SYNE1: variants seen among roughly 807,000 people sequenced by gnomAD.
SYNE1 encodes spectrin repeat containing nuclear envelope protein 1.
A neutral mutation model predicts 1,111.0 loss-of-function variants in SYNE1; 616 were observed. The ratio of observed to expected loss-of-function variants is 0.55; its 90% confidence interval spans 0.52 to 0.59. SYNE1 has a LOEUF of 0.59. SYNE1 is among the 20% of genes least tolerant of loss of function. The pLI is 0.00. For synonymous variants in SYNE1, 3,855 were observed against 3,825.8 expected (o/e 1.01, Z -0.28); for missense variants, 10,006 against 10,417.0 (o/e 0.96, Z 1.72).
At chr6:152,404,436 ATC>A in intron 45 of SYNE1, 122 bp from the exon 46 acceptor site, 1 of 729,246 alleles carries the variant, frequency 1.4e-6, no homozygotes, top group South Asian at 1.5e-5. Flanking sequence ...GTAAAAAAAA[ATC>A]TGTTTCATTT....
rs866991892 is a variant in SYNE1, at chr6:152,334,136, G to C, written c.12666C>G (p.Cys4222Trp). 1 of 1,614,106 alleles carries C rather than the reference G, an allele frequency of 6.2e-7. No homozygotes were observed. The highest frequency in any genetic ancestry group is 2.2e-5 in the East Asian group (1 of 44,868). ...GCAAGCACAGGTTGTTAGACTGACG[G>C]CACAAATCGAGCCACTGATCATTTA... ...NHLNDQWLDLCRQSNNLCLQR... is the reference protein window; with the variant it reads ...NHLNDQWLDLWRQSNNLCLQR... The change falls in exon 77 of 146, where the codon TGC becomes TGG. Residue 4222 changes from cysteine (C) to tryptophan (W), a missense_variant. This residue lies in a region of SYNE1 where 4,955 missense variants were observed against 5,017.2 expected (regional missense o/e 0.99). Coordinates refer to ENST00000367255, the MANE Select transcript of SYNE1 (RefSeq NM_182961.4).
chr6:152,352,270 C>T lies in SYNE1; in HGVS notation c.11337G>A (p.Glu3779=). ...EKGERAVKYL[E]EGEAERLRKE... ...TTCTTAACCTCTCTGCCTCGCCTTC[C>T]TCCAAGTATTTAACAGCCCTCTCTC... Residue 3779 remains glutamate, a synonymous_variant, in exon 70 of 146, where the codon GAG becomes GAA. Coordinates refer to ENST00000367255, the MANE Select transcript of SYNE1 (RefSeq NM_182961.4). 3 of 1,614,150 alleles carry T rather than the reference C, an allele frequency of 1.9e-6. No individual in the cohort carries two copies. The highest frequency in any genetic ancestry group is 1.7e-6 in the Non-Finnish European group (2 of 1,180,016).
At chr6:152,194,835 CTGAT>C (rs552400307) in intron 127 of SYNE1, among the ~76,000 whole-genome samples, 128 of 152,296 alleles carry the variant, frequency 8.4e-4, no homozygotes, top group African/African-American at 3.0e-3. Context: ...TTCAGAATGT[CTGAT>C]TGATTCCTTT....
Position 152,201,885 on chromosome 6 carries a change from T to C in SYNE1, c.23084A>G (p.Lys7695Arg). The change falls in exon 127 of 146, where the codon AAG becomes AGG. Residue 7695 changes from lysine to arginine, a missense_variant. Around this residue, in one of 7 missense-constraint regions of SYNE1, gnomAD observed 2,182 missense variants for 2,287.8 expected, o/e 0.95. Coordinates refer to ENST00000367255, the MANE Select transcript of SYNE1 (RefSeq NM_182961.4). The stretch of plus-strand genomic sequence containing the variant: ...GTGATCCGGGAGAGACTGCGAAAGC[T>C]TCTTTTTGAAAGTTCGTAGTTTCTC... ...SLEKLRTFKK[K>R]LSQSLPDHHE... 1 of 1,613,988 alleles carries C rather than the reference T, an allele frequency of 6.2e-7. No individual in the cohort carries two copies. Among genetic ancestry groups the C allele is most frequent in the Non-Finnish European group, 8.5e-7 (1 of 1,179,850 alleles).
At chr6:152,235,159 T>C (rs1321817942) in intron 110 of SYNE1, among the ~76,000 whole-genome samples, 1 of 152,220 alleles carries the variant, frequency 6.6e-6, no homozygotes, top group Non-Finnish European at 1.5e-5. Context: ...GCTGAATGCT[T>C]CCCATTGCCC....
At position 152,236,214 on chromosome 6, in the gene SYNE1, T is replaced by C. The variant is rs142327194; in HGVS notation, c.20289A>G (p.Ser6763=). 2.9e-4 allele frequency: 462 copies of C among 1,614,180 alleles called. 1 individual carries two copies. In the East Asian group the frequency reaches 9.9e-3, roughly 35 times the overall value. The stretch of plus-strand genomic sequence containing the variant: ...GTTGATTTAGTTGGCTTTCTAGATC[T>C]GAGCAGCTGATGGATATCAGAAGTC... The part of the protein sequence containing the change: ...GKRLLISISC[S]DLESQLNQLG... The change falls in exon 110 of 146, where the codon TCA becomes TCG. Residue 6763 remains serine (S), a synonymous_variant. Coordinates refer to ENST00000367255, the MANE Select transcript of SYNE1 (RefSeq NM_182961.4).
chr6:152,144,140 C>G lies in SYNE1; in HGVS notation c.24977-375G>C, dbSNP rs116319420. The G allele has an allele frequency of 1.6e-3, 526 of 319,516 alleles. 5 individuals are homozygous for G. The highest frequency in any genetic ancestry group is 0.011 in the African/African-American group (504 of 46,552). The allele number at this position is 319,516 out of a possible 1,614,324, so 19.8% of individuals were successfully genotyped here. A position where few individuals can be genotyped will look rare whatever the true frequency, so the allele number is the denominator to read the frequency against. ...GCATCTCAGTAAGGAGAAAGCTGTT[C>G]TTTTTCTCATGTTCTTTCTGCTATC... On this transcript the variant is annotated intron_variant, in intron 137 of 145. Coordinates refer to ENST00000367255, the MANE Select transcript of SYNE1 (RefSeq NM_182961.4).
intron 129 of SYNE1, among the ~76,000 whole-genome samples, chr6:152,177,493 A>AT (rs1427335324): frequency 6.6e-6 from 1 of 152,178 alleles, no homozygotes; most frequent in African/African-American, 2.4e-5. Context: ...GAGTGTGAAC[A>AT]TTTTAACCTT....
chr6:152,143,429 G>T (rs1219203535), intron 138 of SYNE1, among the ~76,000 whole-genome samples, 194 bp downstream of exon 138: 6 of 152,106 alleles, frequency 3.9e-5, no homozygotes, highest in Admixed American at 1.3e-4. Context: ...CAGTTTTGTG[G>T]GCCTAAAAAC....
At chr6:152,237,085 G>A (rs1283306704) in intron 108 of SYNE1, 137 bp from the exon 109 acceptor site, 2 of 1,194,048 alleles carry the variant, frequency 1.7e-6, no homozygotes, top group Non-Finnish European at 2.4e-6. Context: ...CTTGCTTTGG[G>A]AAGCAAAAGA....
chr6:152,538,844 G>A (rs561303708), intron 4 of SYNE1, among the ~76,000 whole-genome samples: 1 of 152,172 alleles, frequency 6.6e-6, no homozygotes, highest in African/African-American at 2.4e-5. Context: ...AGATGACCCT[G>A]GTTTATCCTA....
chr6:152,274,334 T>C (rs2093427940), intron 98 of SYNE1, among the ~76,000 whole-genome samples: 1 of 152,214 alleles, frequency 6.6e-6, no homozygotes, highest in African/African-American at 2.4e-5. Flanking sequence ...ATTGTCCATT[T>C]ATATTTCTTT....
chr6:152,438,396 T>C (rs551177535), intron 32 of SYNE1, among the ~76,000 whole-genome samples: 2 of 152,288 alleles, frequency 1.3e-5, no homozygotes, highest in African/African-American at 4.8e-5. Context: ...GAGCTATGTA[T>C]GGAAAAAGCA....
At chr6:152,209,927 T>C (rs2077227444) in intron 124 of SYNE1, among the ~76,000 whole-genome samples, 1 of 152,038 alleles carries the variant, frequency 6.6e-6, no homozygotes, top group African/African-American at 2.4e-5. Flanking sequence ...AATGTACAAC[T>C]CCAGGACTTG....
At chr6:152,438,909 T>A (rs138162456) in intron 32 of SYNE1, among the ~76,000 whole-genome samples, 194 of 152,314 alleles carry the variant, frequency 1.3e-3, no homozygotes, top group African/African-American at 3.7e-3. Context: ...AATAACGTAG[T>A]GACTAAAGAT....
intron 55 of SYNE1, among the ~76,000 whole-genome samples, chr6:152,383,319 C>T (rs541992685): frequency 4.5e-4 from 68 of 152,302 alleles, no homozygotes; most frequent in African/African-American, 1.4e-3. Context: ...TATTTATTAA[C>T]TTTTTGAAAC....
In SYNE1 at chr6:152,636,752, C is replaced by G. The variant is rs971180808; in HGVS notation, c.-338G>C. 6.6e-6 allele frequency: 1 copy of G among 152,272 alleles called. No individual in the cohort carries two copies. Among genetic ancestry groups the G allele is most frequent in the South Asian group, 2.1e-4 (1 of 4,834 alleles). 9.4% of individuals were successfully genotyped at this position (152,272 alleles called of 1,614,324 possible). On this transcript the variant is annotated 5_prime_UTR_variant, in exon 2 of 146. Coordinates refer to ENST00000367255, the MANE Select transcript of SYNE1 (RefSeq NM_182961.4). ...CCCCGGGGATGCGCGGCTGTCCGCC[C>G]GCCCTGTCGCCGGGATCGGGCGCGG...
chr6:152,471,839 A>G (rs1345678413), intron 15 of SYNE1, 74 bp from the exon 16 acceptor site: 4 of 1,452,062 alleles, frequency 2.8e-6, no homozygotes, highest in African/African-American at 2.8e-5. Flanking sequence ...AACCTGTTAC[A>G]TGTCAGCCTT....
chr6:152,239,136 C>T (rs1006388084), intron 108 of SYNE1, among the ~76,000 whole-genome samples: 3 of 151,880 alleles, frequency 2.0e-5, no homozygotes, highest in Non-Finnish European at 4.4e-5. Context: ...AGGCTGGTCT[C>T]GAACTCCTGA....
Sources: gnomAD v4.1 joint callset for allele counts (sites outside exome capture counted in the v4.1 genomes callset) on GRCh38, gnomAD v4.1.1 for gene constraint, gnomAD v4.1.1 regional missense constraint, MANE v1.5 for transcripts, NCBI Gene and HGNC (gene_info 2026-07-23, HGNC 2026-07-21) for gene names.